FALEC: variants seen among roughly 807,000 people sequenced by gnomAD.
The protein encoded by FALEC is focally amplified lncRNA regulator of ECM1, also known as focally amplified lncRNA on chromosome 1.
chr1:150,521,614 T>C (rs1670643651), downstream of FALEC, among the ~76,000 whole-genome samples: 1 of 152,200 alleles, frequency 6.6e-6, no homozygotes. Flanking sequence ...ATTTTGACAT[T>C]TACTGGGAGG....
the FALEC span, among the ~76,000 whole-genome samples, chr1:150,530,549 C>T: frequency 1.3e-5 from 2 of 152,108 alleles, no homozygotes; most frequent in Non-Finnish European, 2.9e-5. Context: ...GTTATTATTG[C>T]GATTTTTACT....
the FALEC span, among the ~76,000 whole-genome samples, chr1:150,527,196 C>T: frequency 6.6e-6 from 1 of 151,894 alleles, no homozygotes; most frequent in Non-Finnish European, 1.5e-5. Context: ...CTGGCTCAGC[C>T]TCCCAATGTG....
the FALEC span, among the ~76,000 whole-genome samples, chr1:150,525,158 G>C: frequency 2.0e-5 from 3 of 152,124 alleles, no homozygotes; most frequent in South Asian, 6.2e-4. Context: ...ATGGTGGCAC[G>C]CATCTGTAAT....
chr1:150,518,014 A>G (rs1398155667), exon 2 of FALEC: 1 of 152,222 alleles, frequency 6.6e-6, no homozygotes, highest in African/African-American at 2.4e-5. Context: ...AGCCTATTAC[A>G]CAGGACACTT....
the FALEC span, among the ~76,000 whole-genome samples, chr1:150,529,735 C>T: frequency 6.6e-6 from 1 of 151,916 alleles, no homozygotes; most frequent in Non-Finnish European, 1.5e-5. Flanking sequence ...GTAGCTGGGA[C>T]TACAGGCGCC....
chr1:150,536,124 G>T, the FALEC span, among the ~76,000 whole-genome samples: 1 of 152,246 alleles, frequency 6.6e-6, no homozygotes, highest in Non-Finnish European at 1.5e-5. Flanking sequence ...TGGAAGGGCA[G>T]AGGTCACATC....
At chr1:150,517,957 C>G (rs1436019708) in exon 2 of FALEC, 1 of 152,150 alleles carries the variant, frequency 6.6e-6, no homozygotes, top group Non-Finnish European at 1.5e-5. Flanking sequence ...GAAAAGGAGG[C>G]AGCACTTGTA....
downstream of FALEC, among the ~76,000 whole-genome samples, chr1:150,522,983 A>ATTTTTTT (rs1174052488): frequency 6.3e-5 from 1 of 15,920 alleles, no homozygotes; most frequent in Non-Finnish European, 9.8e-5. Context: ...ATATATATAT[A>ATTTTTTT]TTTTTTTTTT....
chr1:150,532,675 G>C, the FALEC span, among the ~76,000 whole-genome samples: 4 of 152,210 alleles, frequency 2.6e-5, no homozygotes, highest in Non-Finnish European at 5.9e-5. Context: ...TGAGTGCATA[G>C]TGTGTGCGCC....
At chr1:150,527,574 T>G in the FALEC span, among the ~76,000 whole-genome samples, 1 of 152,156 alleles carries the variant, frequency 6.6e-6, no homozygotes, top group East Asian at 1.9e-4. Context: ...CTTAAAAGCT[T>G]GAAAAACTCA....
At chr1:150,520,783 C>CT (rs71086518), downstream of FALEC, among the ~76,000 whole-genome samples, 4,308 of 42,748 alleles carry the variant, frequency 0.1, 943 homozygotes, top group South Asian at 0.13. Context: ...CTTTTCTTTT[C>CT]TTTTTTTTTT....
At chr1:150,526,035 T>G in the FALEC span, among the ~76,000 whole-genome samples, 1 of 152,240 alleles carries the variant, frequency 6.6e-6, no homozygotes, top group East Asian at 1.9e-4. Flanking sequence ...TCATTCATGT[T>G]CAGCATGCAT....
the FALEC span, among the ~76,000 whole-genome samples, chr1:150,536,151 C>T: frequency 6.6e-6 from 1 of 152,284 alleles, no homozygotes; most frequent in South Asian, 2.1e-4. Context: ...GTATGTGCTT[C>T]TTGGAAGAGG....
chr1:150,525,369 G>A, the FALEC span, among the ~76,000 whole-genome samples: 1 of 152,306 alleles, frequency 6.6e-6, no homozygotes, highest in South Asian at 2.1e-4. Context: ...GGAGGCTGAG[G>A]TGGGAGGATC....
chr1:150,535,161 G>A, the FALEC span, among the ~76,000 whole-genome samples: 152 of 152,298 alleles, frequency 1.0e-3, no homozygotes, highest in Non-Finnish European at 1.1e-3. Flanking sequence ...TGAGGCCTTC[G>A]AAATGGCTTC....
chr1:150,533,335 T>C, the FALEC span, among the ~76,000 whole-genome samples: 26 of 151,762 alleles, frequency 1.7e-4, no homozygotes, highest in Non-Finnish European at 3.1e-4. Context: ...AACCCCTTGC[T>C]GAGTAGGGCA....
At chr1:150,532,513 C>T in the FALEC span, among the ~76,000 whole-genome samples, 2 of 152,088 alleles carry the variant, frequency 1.3e-5, no homozygotes, top group Non-Finnish European at 1.5e-5. Context: ...AAGAGCAGGC[C>T]GGCCGGCAAT....
At chr1:150,524,938 T>A in the FALEC span, among the ~76,000 whole-genome samples, 2 of 142,814 alleles carry the variant, frequency 1.4e-5, no homozygotes. Context: ...GAGGGTACAG[T>A]GAGCCATGAT....
downstream of FALEC, among the ~76,000 whole-genome samples, chr1:150,520,152 A>AAAAT (rs1056750293): frequency 6.6e-6 from 1 of 152,204 alleles, no homozygotes; most frequent in African/African-American, 2.4e-5. Flanking sequence ...CTCCGTCTCA[A>AAAAT]AAATAAATAA....
Sources: allele counts gnomAD v4.1 joint callset (sites outside exome capture counted in the v4.1 genomes callset), GRCh38; gene constraint gnomAD v4.1.1; transcripts MANE v1.5; gene names NCBI Gene and HGNC (gene_info 2026-07-23, HGNC 2026-07-21).